The following FBXL13 variants were observed in gnomAD, a reference collection of about 807,000 sequenced individuals.
FBXL13 encodes F-box and leucine-rich repeat protein 13.
FBXL13 carries 67 observed loss-of-function variants against 83.6 expected under a neutral mutation model. The ratio of observed to expected loss-of-function variants is 0.80; its 90% CI spans 0.66 to 0.98. The LOEUF is 0.98. FBXL13 is among the 50% of genes least tolerant of loss of function. The pLI, the probability that FBXL13 is intolerant of heterozygous loss-of-function variation, is 0.00. For synonymous variants in FBXL13, 272 were observed against 299.5 expected, an observed-to-expected ratio of 0.91 and a Z score of 0.95; for missense variants, 822 against 866.5, an observed-to-expected ratio of 0.95 and a Z score of 0.64.
Position 102,944,753 on chromosome 7 carries a change from G to T in FBXL13, c.725-12820C>A, listed in dbSNP as rs567863697. The T allele has an allele frequency of 2.9e-5, 20 of 679,298 alleles. 1 individual carries two copies. The South Asian group carries it at 4.4e-4, about 15-fold the overall frequency. 42.1% of individuals were successfully genotyped at this position (679,298 alleles called of 1,614,324 possible). The stretch of plus-strand genomic sequence containing the variant: ...TTTCTTTAATTATAAGTATTATTGT[G>T]ACTATTATAGTAATCAAGAGAATGC... On this transcript the variant is annotated intron_variant, in intron 8 of 19. Coordinates refer to ENST00000313221, the Ensembl canonical transcript of FBXL13.
At chr7:103,055,710 T>G in exon 2 of FBXL13, 1 of 1,285,706 alleles carries the variant, frequency 7.8e-7, no homozygotes, top group African/African-American at 1.5e-5. Context: ...CCTCAGCGGA[T>G]CCTCAGGACA....
chr7:102,961,668 C>T (rs1001796996), intron 8 of FBXL13, among the ~76,000 whole-genome samples: 25 of 151,802 alleles, frequency 1.6e-4, no homozygotes, highest in African/African-American at 6.0e-4. Context: ...ACAGAGCCCT[C>T]AGAAATAACG....
chr7:102,931,844 T>C, intron 9 of FBXL13, 37 bp downstream of exon 10: 2 of 1,591,464 alleles, frequency 1.3e-6, no homozygotes, highest in Non-Finnish European at 8.6e-7. Context: ...CAAGTCAATC[T>C]ATATAAACAG....
intron 6 of FBXL13, among the ~76,000 whole-genome samples, chr7:103,006,774 AACAC>A (rs781259792): frequency 6.6e-6 from 1 of 152,292 alleles, no homozygotes; most frequent in Admixed American, 6.5e-5. Flanking sequence ...CAAAAATAGA[AACAC>A]ACAGAGAAAT....
chr7:103,049,255 A>T (rs1201855061), intron 2 of FBXL13, among the ~76,000 whole-genome samples: 3 of 152,238 alleles, frequency 2.0e-5, no homozygotes, highest in Non-Finnish European at 4.4e-5. Context: ...AATAAATTCA[A>T]CAATTTTCAA....
At chr7:102,973,284 A>T (rs573047899) in intron 6 of FBXL13, 1 of 482,624 alleles carries the variant, frequency 2.1e-6, no homozygotes, top group East Asian at 4.8e-5. Flanking sequence ...GTCCCAAGGC[A>T]CAAGGCCACT....
rs752574674 is a variant in FBXL13, at chr7:102,931,880, C to T, written c.777+1G>A. The T allele has an allele frequency of 1.1e-5, 18 of 1,613,360 alleles. No individual in the cohort carries two copies. In the African/African-American group the frequency reaches 2.1e-4, roughly 19 times the overall value. On this transcript the variant is annotated splice_donor_variant, in intron 9 of 19. Transcript: ENST00000313221. LOFTEE classifies it high-confidence loss of function. ...CAGTAAAAATGGTTGCTTATACTCACTGTGAATGTTGGGCAGTCAGAGACA... is the reference window on the plus strand; with the variant it reads ...CAGTAAAAATGGTTGCTTATACTCATTGTGAATGTTGGGCAGTCAGAGACA...
At chr7:102,918,348 C>T (rs958016658) in intron 10 of FBXL13, among the ~76,000 whole-genome samples, 1 of 152,136 alleles carries the variant, frequency 6.6e-6, no homozygotes, top group African/African-American at 2.4e-5. Context: ...TTGGGTCCTA[C>T]TTTTCTATCT....
At chr7:102,849,328 A>G (rs1482803066) in intron 17 of FBXL13, among the ~76,000 whole-genome samples, 2 of 152,230 alleles carry the variant, frequency 1.3e-5, no homozygotes, top group African/African-American at 4.8e-5. Context: ...GCCAGATCCT[A>G]AAAGTCAATA....
chr7:102,856,301 T>A (rs939587065), intron 16 of FBXL13, among the ~76,000 whole-genome samples: 2 of 152,210 alleles, frequency 1.3e-5, no homozygotes, highest in African/African-American at 4.8e-5. Flanking sequence ...ATTGGAAGAG[T>A]TTAGATATTC....
At chr7:102,842,728 A>T (rs1176123143) in intron 17 of FBXL13, among the ~76,000 whole-genome samples, 4 of 152,076 alleles carry the variant, frequency 2.6e-5, no homozygotes, top group Non-Finnish European at 5.9e-5. Context: ...TGAGGTAGGT[A>T]CTCCTGGGCC....
At chr7:102,885,563 A>C (rs1810680993) in intron 11 of FBXL13, among the ~76,000 whole-genome samples, 1 of 151,944 alleles carries the variant, frequency 6.6e-6, no homozygotes, top group Non-Finnish European at 1.5e-5. Context: ...TCCATTCTGT[A>C]GGTTGTCTTC....
rs1019643484 is a variant in FBXL13, at chr7:102,866,565, C to G, written c.1635+10902G>C. On this transcript the variant is annotated intron_variant, in intron 16 of 19. Coordinates refer to ENST00000313221, the Ensembl canonical transcript of FBXL13. ...TGCTTCCTTTCAACTCTCATTCTTC[C>G]TATTTCTTGAATCCCAAGTGATTTC... 3.4e-4 allele frequency among the ~76,000 whole-genome samples: 51 copies of G among 152,156 alleles called. 2 individuals carry two copies. The highest frequency in any genetic ancestry group is 1.5e-5 in the Non-Finnish European group (1 of 68,032).
intron 8 of FBXL13, among the ~76,000 whole-genome samples, chr7:102,951,254 G>A (rs987597801): frequency 1.3e-5 from 2 of 151,618 alleles, no homozygotes; most frequent in Non-Finnish European, 2.9e-5. Context: ...ATCACCTGAG[G>A]TTAGGAGATC....
chr7:102,824,489 CTCT>C (rs1799270980), intron 18 of FBXL13, among the ~76,000 whole-genome samples: 1 of 151,820 alleles, frequency 6.6e-6, no homozygotes, highest in Non-Finnish European at 1.5e-5. Context: ...ATTTTGCATC[CTCT>C]TTTTTTCTTT....
intron 10 of FBXL13, among the ~76,000 whole-genome samples, chr7:102,920,969 T>C (rs1816860310): frequency 6.6e-6 from 1 of 151,738 alleles, no homozygotes; most frequent in Non-Finnish European, 1.5e-5. Context: ...CTGGCCAACA[T>C]GATGAAACCC....
intron 9 of FBXL13, among the ~76,000 whole-genome samples, chr7:102,929,390 G>A (rs922171910): frequency 2.0e-5 from 3 of 152,120 alleles, no homozygotes; most frequent in Non-Finnish European, 2.9e-5. Context: ...AGCTGGGTGC[G>A]GTGTCTCACG....
chr7:102,891,450 TC>T (rs910817247), intron 11 of FBXL13, among the ~76,000 whole-genome samples: 4 of 152,218 alleles, frequency 2.6e-5, no homozygotes, highest in African/African-American at 7.2e-5. Context: ...CTAGTTTCCC[TC>T]CCAAGAAGCA....
chr7:102,837,358 A>G (rs560181219), intron 17 of FBXL13, among the ~76,000 whole-genome samples: 1 of 152,364 alleles, frequency 6.6e-6, no homozygotes, highest in Admixed American at 6.5e-5. Flanking sequence ...TAAAACATGG[A>G]GAGAACTCTG....
Sources: gnomAD v4.1 joint callset for allele counts (sites outside exome capture counted in the v4.1 genomes callset) on GRCh38, gnomAD v4.1.1 for gene constraint, MANE v1.5 for transcripts, NCBI Gene and HGNC (gene_info 2026-07-23, HGNC 2026-07-21) for gene names.